INSR: variants seen among roughly 807,000 people sequenced by gnomAD.
INSR encodes insulin receptor.
Under a neutral mutation model 142.6 loss-of-function variants are expected in INSR, and 67 were observed. That is an observed-to-expected ratio of 0.47 (90% CI 0.39 to 0.58). The LOEUF (loss-of-function observed/expected upper bound fraction) is 0.58, where lower values mean the gene tolerates loss of function less well. INSR is among the 20% of genes least tolerant of loss of function. The pLI is 0.00. For synonymous variants in INSR, 756 were observed against 743.1 expected, an observed-to-expected ratio of 1.02 and a Z score of -0.28; for missense variants, 1,248 against 1,833.2, an observed-to-expected ratio of 0.68 and a Z score of 5.83.
intron 2 of INSR, among the ~76,000 whole-genome samples, chr19:7,246,375 A>C (rs960687220): frequency 6.6e-6 from 1 of 152,192 alleles, no homozygotes; most frequent in Non-Finnish European, 1.5e-5. Flanking sequence ...CTGGAGGATG[A>C]GCAGCTACAG....
intron 2 of INSR, among the ~76,000 whole-genome samples, chr19:7,214,861 G>A (rs917783766): frequency 1.7e-4 from 18 of 107,020 alleles, no homozygotes; most frequent in African/African-American, 3.6e-4. Flanking sequence ...TCTTCCCTCC[G>A]TCCCCACCTC....
chr19:7,224,516 C>A (rs978601452), intron 2 of INSR, among the ~76,000 whole-genome samples: 1 of 152,118 alleles, frequency 6.6e-6, no homozygotes, highest in Non-Finnish European at 1.5e-5. Context: ...ATGGGGGCAG[C>A]GAGCCTCCAC....
At chr19:7,256,456 A>G (rs1976895968) in intron 2 of INSR, among the ~76,000 whole-genome samples, 1 of 151,332 alleles carries the variant, frequency 6.6e-6, no homozygotes, top group Non-Finnish European at 1.5e-5. Context: ...CTCACTAAAT[A>G]AATAAATAAA....
chr19:7,191,895 G>GAA (rs1974600203), intron 2 of INSR, among the ~76,000 whole-genome samples: 2 of 147,736 alleles, frequency 1.4e-5, no homozygotes. Context: ...GGAAGGGAGA[G>GAA]AGAGAAAAGA....
intron 2 of INSR, among the ~76,000 whole-genome samples, chr19:7,195,927 C>CTTTT (rs766101939): frequency 4.0e-5 from 4 of 99,818 alleles, no homozygotes; most frequent in African/African-American, 8.8e-5. Context: ...TCTTTCTTTT[C>CTTTT]TTTCTTTTTT....
Position 7,271,105 on chromosome 19 carries a change from C to T in INSR, c.101-3209G>A, listed in dbSNP as rs186793586. 5.7e-4 allele frequency among the ~76,000 whole-genome samples: 86 copies of T among 151,872 alleles called. No homozygotes were observed. In the East Asian group the frequency reaches 0.016, roughly 27 times the overall value. On this transcript the variant is annotated intron_variant, in intron 1 of 21. Coordinates refer to ENST00000302850, the MANE Select transcript of INSR (RefSeq NM_000208.4). ...AAGGAAAGATTAACTGGCTGTTGGA[C>T]ATTAGAGAAATACAAATTCAAACCA...
intron 2 of INSR, among the ~76,000 whole-genome samples, chr19:7,219,537 G>A (rs534740512): frequency 1.9e-4 from 24 of 123,794 alleles, no homozygotes; most frequent in African/African-American, 6.1e-4. Flanking sequence ...AGGAAGGAAG[G>A]GAGGGAGGGA....
chr19:7,178,503 G>A (rs940694943), intron 3 of INSR, among the ~76,000 whole-genome samples: 47 of 152,076 alleles, frequency 3.1e-4, no homozygotes, highest in Non-Finnish European at 6.5e-4. Flanking sequence ...GGTGAATCAC[G>A]AAGTCAGGAG....
At chr19:7,252,798 C>G (rs56400430) in intron 2 of INSR, among the ~76,000 whole-genome samples, 1 of 152,044 alleles carries the variant, frequency 6.6e-6, no homozygotes, top group Non-Finnish European at 1.5e-5. Context: ...TGGGACAAAA[C>G]GAGAGGCAAA....
chr19:7,285,053 G>A (rs569960401), intron 1 of INSR, among the ~76,000 whole-genome samples: 2 of 152,236 alleles, frequency 1.3e-5, no homozygotes, highest in Non-Finnish European at 2.9e-5. Flanking sequence ...AGTGGCTCAT[G>A]CCTGTAATCC....
chr19:7,210,823 G>A (rs905425163), intron 2 of INSR, among the ~76,000 whole-genome samples: 3 of 152,004 alleles, frequency 2.0e-5, no homozygotes, highest in African/African-American at 4.8e-5. Context: ...TCTGCCTCGC[G>A]GTTTCAAGCA....
rs1972250899 is a variant in INSR, at chr19:7,113,409, T to G, written c.*3647A>C. The G allele has an allele frequency of 6.6e-6, 1 of 152,136 alleles. No individual in the cohort carries two copies. Among genetic ancestry groups the G allele is most frequent in the South Asian group, 2.1e-4 (1 of 4,820 alleles). The allele number at this position is 152,136 out of a possible 1,614,324, so 9.4% of individuals were successfully genotyped here. On this transcript the variant is annotated 3_prime_UTR_variant, in exon 22 of 22. Transcript: ENST00000302850. Reference sequence around the variant, plus strand: ...CTATATCCAGACAAGCAGCAGTGCTTCTCTTTCTCACTGCTTCCAATGATG... The same window carrying G: ...CTATATCCAGACAAGCAGCAGTGCTGCTCTTTCTCACTGCTTCCAATGATG...
At position 7,192,423 on chromosome 19, in the gene INSR, C is replaced by T. The variant is rs898454143; in HGVS notation, c.653-7786G>A. Among the ~76,000 whole-genome samples the T allele has an allele frequency of 2.0e-5, 3 of 152,108 alleles. No individual in the cohort carries two copies. Among genetic ancestry groups the T allele is most frequent in the Non-Finnish European group, 4.4e-5 (3 of 68,032 alleles). ...CAAAGTGAAGACATTATGAAAGCCA[C>T]GTGTCATGCAAGATGAGAAACAGCC... On this transcript the variant is annotated intron_variant, in intron 2 of 21. Coordinates refer to ENST00000302850, the MANE Select transcript of INSR (RefSeq NM_000208.4). This position sits in a 1 kb window ranked among gnomAD's most constrained non-coding sequence, Gnocchi z 4.2.
chr19:7,239,944 G>T (rs545521519), intron 2 of INSR, among the ~76,000 whole-genome samples: 3 of 152,020 alleles, frequency 2.0e-5, no homozygotes, highest in Admixed American at 6.6e-5. Context: ...TTGTTTTTTG[G>T]TTTTTTTTGA....
intron 2 of INSR, among the ~76,000 whole-genome samples, chr19:7,204,243 T>TG (rs1383994858): frequency 1.1e-4 from 17 of 152,058 alleles, no homozygotes; most frequent in Non-Finnish European, 2.2e-4. Flanking sequence ...TTAGTAGAGT[T>TG]GGGGTTTCAC....
At chr19:7,171,544 A>T (rs1438613939) in intron 5 of INSR, among the ~76,000 whole-genome samples, 1 of 152,054 alleles carries the variant, frequency 6.6e-6, no homozygotes. Flanking sequence ...AGTTTCTAGG[A>T]CCTCAAGGAG....
At position 7,225,707 on chromosome 19, in the gene INSR, C is replaced by CG. The variant is rs1555683193; in HGVS notation, c.653-41071_653-41070insC. On this transcript the variant is annotated intron_variant, in intron 2 of 21. Coordinates refer to ENST00000302850, the MANE Select transcript of INSR (RefSeq NM_000208.4). This position sits in a 1 kb window ranked among gnomAD's most constrained non-coding sequence, Gnocchi z 4.7. ...GGCTCTTGGTTTCCATTTCCCCCCC[C>CG]TCAAAAAAAGAGCAGAGAATAATTG... 3.3e-5 allele frequency among the ~76,000 whole-genome samples: 5 copies of CG among 150,200 alleles called. No homozygotes were observed. Among genetic ancestry groups the CG allele is most frequent in the South Asian group, 2.1e-4 (1 of 4,786 alleles).
intron 2 of INSR, among the ~76,000 whole-genome samples, chr19:7,233,079 C>T (rs936357141): frequency 1.3e-5 from 2 of 152,046 alleles, no homozygotes; most frequent in African/African-American, 2.4e-5. Flanking sequence ...CTGCAACCTC[C>T]GCTTCCTGGG....
In INSR at chr19:7,222,973, A is replaced by C. The variant is rs142291684; in HGVS notation, c.653-38336T>G. Among the ~76,000 whole-genome samples the C allele has an allele frequency of 1.6e-4, 25 of 152,290 alleles. No homozygotes were observed. In the East Asian group the frequency reaches 3.7e-3, roughly 22 times the overall value. Reference sequence around the variant, plus strand: ...TAAGGAGGGCGGATCACCTGAGGTCAGGAGTTTGAGACCAGCCTGGCCAGC... The same window carrying C: ...TAAGGAGGGCGGATCACCTGAGGTCCGGAGTTTGAGACCAGCCTGGCCAGC... On this transcript the variant is annotated intron_variant, in intron 2 of 21. Coordinates refer to ENST00000302850, the MANE Select transcript of INSR (RefSeq NM_000208.4).
Sources: allele counts gnomAD v4.1 joint callset (sites outside exome capture counted in the v4.1 genomes callset), GRCh38; gene constraint gnomAD v4.1.1; non-coding constraint Gnocchi (gnomAD v3.1); transcripts MANE v1.5; gene names NCBI Gene and HGNC (gene_info 2026-07-23, HGNC 2026-07-21).